Variants in PCTP observed in about 807,000 individuals in gnomAD.
The protein encoded by PCTP is phosphatidylcholine transfer protein.
In PCTP, 27 loss-of-function variants were observed where a neutral mutation model predicts 31.0. That is an observed-to-expected ratio of 0.87 (90% CI 0.64 to 1.20). The LOEUF (loss-of-function observed/expected upper bound fraction) is 1.20, where lower values mean the gene tolerates loss of function less well. Among genes scored for constraint, PCTP ranks in the 50% most tolerant of loss-of-function variants. PCTP has a pLI of 0.00. For synonymous variants in PCTP, 108 were observed against 101.2 expected (o/e 1.07, Z -0.40); for missense variants, 287 against 268.2 (o/e 1.07, Z -0.49).
chr17:55,779,456 G>T (rs898222637), downstream of PCTP, among the ~76,000 whole-genome samples: 3 of 152,188 alleles, frequency 2.0e-5, no homozygotes, highest in Non-Finnish European at 4.4e-5. Context: ...GAAGGACTCA[G>T]CAGGAGAGTC....
At chr17:55,841,404 A>G (rs1480804186) in intron 5 of PCTP, among the ~76,000 whole-genome samples, 3 of 152,196 alleles carry the variant, frequency 2.0e-5, no homozygotes, top group African/African-American at 7.2e-5. Context: ...TTGGGTGAGC[A>G]TGGAGGTGTC....
intron 5 of PCTP, chr17:55,775,274 G>A: frequency 8.1e-7 from 1 of 1,234,776 alleles, no homozygotes; most frequent in Non-Finnish European, 1.0e-6. Flanking sequence ...CACTTTTGTT[G>A]TTGTTGCCCT....
At chr17:55,802,548 A>ATGCAAGGCTGGT (rs759550682) in intron 3 of PCTP, among the ~76,000 whole-genome samples, 39 of 152,362 alleles carry the variant, frequency 2.6e-4, no homozygotes, top group Admixed American at 9.1e-4. Flanking sequence ...TATCCCTGGG[A>ATGCAAGGCTGGT]TGCAAGGCTG....
At chr17:55,753,694 A>G (rs536892400) in intron 1 of PCTP, among the ~76,000 whole-genome samples, 5 of 152,238 alleles carry the variant, frequency 3.3e-5, no homozygotes, top group African/African-American at 1.2e-4. Context: ...ATTCTCTCCC[A>G]TTACCATAGA....
At chr17:55,821,431 A>C (rs1022978857) in intron 3 of PCTP, among the ~76,000 whole-genome samples, 1 of 152,182 alleles carries the variant, frequency 6.6e-6, no homozygotes, top group African/African-American at 2.4e-5. Context: ...AATGTTCTAA[A>C]ATTTATTGTA....
downstream of PCTP, among the ~76,000 whole-genome samples, chr17:55,826,053 A>G (rs146989542): frequency 6.6e-6 from 1 of 152,190 alleles, no homozygotes; most frequent in Non-Finnish European, 1.5e-5. Flanking sequence ...AAAATTAGGT[A>G]ATTGGCCAGA....
chr17:55,827,684 G>C (rs553767132), downstream of PCTP, among the ~76,000 whole-genome samples: 1 of 152,182 alleles, frequency 6.6e-6, no homozygotes, highest in Non-Finnish European at 1.5e-5. Flanking sequence ...CTGGGATCAG[G>C]GGTTAGAGGG....
chr17:55,817,637 G>A (rs1356978817), intron 3 of PCTP, among the ~76,000 whole-genome samples: 1 of 152,300 alleles, frequency 6.6e-6, no homozygotes, highest in East Asian at 1.9e-4. Context: ...GAGAACTGAT[G>A]ACTGTGAGTT....
At chr17:55,845,426 G>T (rs1023084882), downstream of PCTP, among the ~76,000 whole-genome samples, 1 of 152,156 alleles carries the variant, frequency 6.6e-6, no homozygotes, top group Admixed American at 6.5e-5. Context: ...GTTCCCCGCG[G>T]GCTCCCAGGA....
chr17:55,843,100 A>G (rs1419125301), downstream of PCTP, among the ~76,000 whole-genome samples: 1 of 152,236 alleles, frequency 6.6e-6, no homozygotes, highest in Non-Finnish European at 1.5e-5. Context: ...TTACAATGGT[A>G]AAGTCCAGAA....
rs144058843 is a variant in PCTP, at chr17:55,772,068, C to T, written c.339+883C>T. ...TCACTATATCAAGATAATTCTTCCT[C>T]CGTGGAGTATCAGATGATATCTATC... On this transcript the variant is annotated intron_variant, in intron 3 of 5. Transcript: ENST00000268896. Among the ~76,000 whole-genome samples, 126 of 152,262 alleles carry T rather than the reference C, an allele frequency of 8.3e-4. 3 individuals are homozygous for T. In the East Asian group the frequency reaches 0.018, roughly 22 times the overall value.
At chr17:55,821,553 C>T (rs1183819029) in intron 3 of PCTP, among the ~76,000 whole-genome samples, 1 of 152,170 alleles carries the variant, frequency 6.6e-6, no homozygotes, top group Non-Finnish European at 1.5e-5. Flanking sequence ...TAAAAACCAA[C>T]AATACAAATA....
At chr17:55,820,396 A>C (rs1292819547) in intron 3 of PCTP, among the ~76,000 whole-genome samples, 2 of 152,190 alleles carry the variant, frequency 1.3e-5, no homozygotes, top group East Asian at 3.9e-4. Context: ...TAGCAAATCT[A>C]GGGGCTGGTG....
downstream of PCTP, among the ~76,000 whole-genome samples, chr17:55,845,751 GA>G (rs995431441): frequency 8.6e-5 from 13 of 151,914 alleles, no homozygotes; most frequent in African/African-American, 3.1e-4. Context: ...TGTGAGGGCC[GA>G]GCCCCCCCGT....
chr17:55,814,909 T>C (rs1288924533), intron 3 of PCTP, among the ~76,000 whole-genome samples: 1 of 152,222 alleles, frequency 6.6e-6, no homozygotes, highest in Non-Finnish European at 1.5e-5. Context: ...ATGCATGCTC[T>C]ACCATCTTTT....
intron 5 of PCTP, 141 bp downstream of exon 5, chr17:55,775,000 T>A: frequency 1.0e-6 from 1 of 974,194 alleles, no homozygotes; most frequent in Non-Finnish European, 1.5e-6. Flanking sequence ...TTTGGTTGAG[T>A]GACTCTGGTT....
rs145653735 is a variant in PCTP, at chr17:55,756,968, T to A, written c.141+5724T>A. Among the ~76,000 whole-genome samples, 319 of 152,206 alleles carry A rather than the reference T, an allele frequency of 2.1e-3. 1 individual carries two copies. Among genetic ancestry groups the A allele is most frequent in the African/African-American group, 7.4e-3 (307 of 41,546 alleles). ...TGGCCAGGTGATATTGATCAGTTAC[T>A]TTTTCATTTTGAAATCTCAGTTTCC... is the stretch of plus-strand genomic sequence containing the variant. On this transcript the variant is annotated intron_variant, in intron 1 of 5. Coordinates refer to ENST00000268896, the MANE Select transcript of PCTP (RefSeq NM_021213.4).
chr17:55,757,424 G>C (rs951332738), intron 1 of PCTP, among the ~76,000 whole-genome samples: 4 of 148,514 alleles, frequency 2.7e-5, no homozygotes, highest in African/African-American at 5.0e-5. Context: ...GTAGTATCCT[G>C]GTTTTGCAAA....
At chr17:55,798,572 A>G (rs1269057358) in intron 3 of PCTP, among the ~76,000 whole-genome samples, 1 of 152,008 alleles carries the variant, frequency 6.6e-6, no homozygotes, top group African/African-American at 2.4e-5. Context: ...AGACAATTGA[A>G]TGACATTTTC....
Sources: gnomAD v4.1 joint callset for allele counts (sites outside exome capture counted in the v4.1 genomes callset) on GRCh38, gnomAD v4.1.1 for gene constraint, MANE v1.5 for transcripts, NCBI Gene and HGNC (gene_info 2026-07-23, HGNC 2026-07-21) for gene names.